The following UGT1A6 variants were observed in gnomAD, a reference collection of about 807,000 sequenced individuals.
The protein encoded by UGT1A6 is UDP-glucuronosyltransferase 1A6.
In UGT1A6, 32 loss-of-function variants were observed where a neutral mutation model predicts 44.4. The ratio of observed to expected loss-of-function variants is 0.72; its 90% CI spans 0.54 to 0.97. The LOEUF is 0.97. Ranked by LOEUF, UGT1A6 falls within the 50% of genes least tolerant of loss-of-function variation. The pLI is 0.00. For synonymous variants in UGT1A6, 238 were observed against 248.5 expected (o/e 0.96, Z 0.40); for missense variants, 685 against 661.9 (o/e 1.03, Z -0.38).
intron 1 of UGT1A6, chr2:233,708,393 T>C (rs2076016604): frequency 6.6e-6 from 1 of 152,236 alleles, no homozygotes; most frequent in Admixed American, 6.5e-5. Context: ...TGTGTGTGTT[T>C]ACTTTCATCA....
chr2:233,736,282 T>A lies in UGT1A6; in HGVS notation c.862-30752T>A, dbSNP rs1290263740. ...ATTTGATCTTCAGTCACTGATACCC[T>A]TTCTTCCAGTTGCTCTAATCAGCTA... On this transcript the variant is annotated intron_variant, in intron 1 of 4. Coordinates refer to ENST00000305139, the MANE Select transcript of UGT1A6 (RefSeq NM_001072.4). Among the ~76,000 whole-genome samples the A allele has an allele frequency of 2.6e-5, 4 of 152,226 alleles. No individual in the cohort carries two copies. The East Asian group carries it at 7.7e-4, about 29-fold the overall frequency.
At chr2:233,718,741 C>T in intron 1 of UGT1A6, 2 of 1,611,932 alleles carry the variant, frequency 1.2e-6, no homozygotes, top group Non-Finnish European at 1.7e-6. Flanking sequence ...GGCTCAATGA[C>T]AAGGTAATTA....
chr2:233,728,519 T>A (rs554437278), intron 1 of UGT1A6, among the ~76,000 whole-genome samples: 5 of 152,180 alleles, frequency 3.3e-5, no homozygotes, highest in Admixed American at 1.3e-4. Context: ...TTTTCTATAT[T>A]GACAGCCACT....
intron 1 of UGT1A6, among the ~76,000 whole-genome samples, chr2:233,759,295 C>T (rs939661689): frequency 1.3e-5 from 2 of 152,106 alleles, no homozygotes; most frequent in Non-Finnish European, 2.9e-5. Context: ...GAAGCTGAGC[C>T]CTGAGTGGCT....
intron 1 of UGT1A6, among the ~76,000 whole-genome samples, chr2:233,694,933 G>A (rs2075249431): frequency 1.3e-5 from 2 of 152,182 alleles, no homozygotes; most frequent in African/African-American, 4.8e-5. Flanking sequence ...GATCAAATCA[G>A]GGTAATTGAG....
rs764097812 is a variant in UGT1A6 at position 233,719,154 on chromosome 2, A to G, written c.861+25289A>G. 40 of 1,614,150 alleles carry G rather than the reference A, an allele frequency of 2.5e-5. No homozygotes were observed. Among genetic ancestry groups the G allele is most frequent in the Non-Finnish European group, 3.1e-5 (37 of 1,180,060 alleles). On this transcript the variant is annotated intron_variant, in intron 1 of 4. Transcript: ENST00000305139. ...AGAACATCTTCTGAAGAGATATTCT[A>G]GAAGTATGGCAATTATGAACAATGT...
At chr2:233,740,928 T>C (rs1315246376) in intron 1 of UGT1A6, 1 of 34,774 alleles carries the variant, frequency 2.9e-5, no homozygotes, top group Non-Finnish European at 4.7e-5. Flanking sequence ...CCACAAAAAG[T>C]TTTTTTTTTA....
chr2:233,754,785 C>T, intron 1 of UGT1A6: 1 of 1,177,776 alleles, frequency 8.5e-7, no homozygotes, highest in Non-Finnish European at 1.2e-6. Context: ...GCCAAAGGAA[C>T]GAAATCCTGT....
chr2:233,743,966 G>A, intron 1 of UGT1A6: 1 of 1,328,722 alleles, frequency 7.5e-7, no homozygotes, highest in Non-Finnish European at 1.0e-6. Flanking sequence ...GAGCGGCAAG[G>A]CTGCCAGCAC....
intron 1 of UGT1A6, among the ~76,000 whole-genome samples, chr2:233,732,114 C>A (rs1362758962): frequency 6.7e-6 from 1 of 148,542 alleles, no homozygotes; most frequent in Non-Finnish European, 1.5e-5. Flanking sequence ...TATCCTTTGC[C>A]CACTTTTTGA....
intron 1 of UGT1A6, among the ~76,000 whole-genome samples, chr2:233,731,482 G>A (rs562723642): frequency 2.0e-5 from 3 of 152,088 alleles, no homozygotes; most frequent in African/African-American, 7.2e-5. Flanking sequence ...TCCCTGGCCT[G>A]TGTCCAGTGT....
rs774532563 is a variant in UGT1A6, at chr2:233,693,438, A to G, written c.434A>G (p.Asp145Gly). 6.2e-7 allele frequency: 1 copy of G among 1,614,088 alleles called. No homozygotes were observed. Among genetic ancestry groups the G allele is most frequent in the East Asian group, 2.2e-5 (1 of 44,870 alleles). The change falls in exon 1 of 5, where the codon GAT becomes GGT. Residue 145 changes from aspartate (D) to glycine (G), a missense_variant. Physicochemically the swap from Asp to Gly is moderately conservative, Grantham distance 94. Coordinates refer to ENST00000305139, the MANE Select transcript of UGT1A6 (RefSeq NM_001072.4). ...TLNFFKESKF[D>G]ALFTDPALPC... ...AACTTCTTTAAGGAGAGCAAGTTTGATGCTCTTTTCACAGACCCAGCCTTA... is the reference window on the plus strand; with the variant it reads ...AACTTCTTTAAGGAGAGCAAGTTTGGTGCTCTTTTCACAGACCCAGCCTTA...
At chr2:233,748,299 A>G (rs891574049) in intron 1 of UGT1A6, among the ~76,000 whole-genome samples, 4 of 151,748 alleles carry the variant, frequency 2.6e-5, no homozygotes, top group African/African-American at 9.7e-5. Flanking sequence ...ATGAATGTTT[A>G]TCAAAGGATG....
chr2:233,731,057 C>A (rs1221719711), intron 1 of UGT1A6, among the ~76,000 whole-genome samples: 3 of 152,120 alleles, frequency 2.0e-5, no homozygotes, highest in Non-Finnish European at 4.4e-5. Context: ...TGTGTATGAA[C>A]TTCCATGATT....
chr2:233,738,553 G>C (rs890940493), intron 1 of UGT1A6, among the ~76,000 whole-genome samples: 2 of 152,228 alleles, frequency 1.3e-5, no homozygotes, highest in African/African-American at 2.4e-5. Context: ...CTCAGATAGA[G>C]ATGAGGAATC....
intron 1 of UGT1A6, among the ~76,000 whole-genome samples, chr2:233,699,432 C>T (rs1270812832): frequency 6.6e-6 from 1 of 152,144 alleles, no homozygotes; most frequent in Admixed American, 6.5e-5. Context: ...TTAGAAGGGT[C>T]ATTGGAGTGT....
chr2:233,730,701 T>C (rs948528383), intron 1 of UGT1A6, among the ~76,000 whole-genome samples: 9 of 152,052 alleles, frequency 5.9e-5, no homozygotes, highest in African/African-American at 2.2e-4. Flanking sequence ...ATTCTTCTAC[T>C]TGGAATGCTG....
chr2:233,718,368 T>C (rs1366364618), intron 1 of UGT1A6, among the ~76,000 whole-genome samples: 1 of 152,222 alleles, frequency 6.6e-6, no homozygotes, highest in African/African-American at 2.4e-5. Context: ...TATTCACATA[T>C]GAGAAGAAAG....
rs377618743 is a variant in UGT1A6, at chr2:233,743,739, T to A, written c.862-23295T>A. 1.2e-4 allele frequency: 170 copies of A among 1,367,366 alleles called. 1 individual carries two copies. Among genetic ancestry groups the A allele is most frequent in the South Asian group, 2.3e-4 (20 of 88,056 alleles). 84.7% of individuals were successfully genotyped at this position (1,367,366 alleles called of 1,614,324 possible). ...TAGCGGTCATAGATATCGCGTTTCT[T>A]GGCGTCCGACAACACCTCGTAGGCC... On this transcript the variant is annotated intron_variant, in intron 1 of 4. Transcript: ENST00000305139.
Sources: allele counts gnomAD v4.1 joint callset (sites outside exome capture counted in the v4.1 genomes callset), GRCh38; gene constraint gnomAD v4.1.1; transcripts MANE v1.5; gene names NCBI Gene and HGNC (gene_info 2026-07-23, HGNC 2026-07-21).